KYNU: variants seen among roughly 807,000 people sequenced by gnomAD.
The protein encoded by KYNU is L-kynurenine hydrolase.
A neutral mutation model predicts 59.2 loss-of-function variants in KYNU; 54 were observed. That is an observed-to-expected ratio of 0.91 (90% CI 0.73 to 1.14). The LOEUF (loss-of-function observed/expected upper bound fraction) is 1.14. Among genes scored for constraint, KYNU ranks in the 50% most tolerant of loss-of-function variants. The pLI is 0.00. For missense variants in KYNU, 567 were observed against 554.4 expected, an observed-to-expected ratio of 1.02 and a Z score of -0.23; for synonymous variants, 177 against 192.0, an observed-to-expected ratio of 0.92 and a Z score of 0.65.
intron 10 of KYNU, among the ~76,000 whole-genome samples, chr2:143,010,655 C>A (rs1686063562): frequency 6.8e-6 from 1 of 147,638 alleles, no homozygotes; most frequent in Non-Finnish European, 1.5e-5. Context: ...TACCTGACTT[C>A]AAACTATACT....
intron 2 of KYNU, among the ~76,000 whole-genome samples, chr2:142,905,435 A>G (rs891142338): frequency 6.6e-6 from 1 of 152,306 alleles, no homozygotes; most frequent in South Asian, 2.1e-4. Context: ...CCCGAGAGGA[A>G]GCATCTATCC....
At chr2:142,924,239 C>T (rs568561002) in intron 3 of KYNU, among the ~76,000 whole-genome samples, 3 of 152,036 alleles carry the variant, frequency 2.0e-5, no homozygotes, top group South Asian at 4.2e-4. Flanking sequence ...TGAGTAGCTA[C>T]GACTATAGGT....
intron 10 of KYNU, among the ~76,000 whole-genome samples, chr2:143,025,581 G>T (rs1372601098): frequency 6.6e-6 from 1 of 151,970 alleles, no homozygotes; most frequent in Non-Finnish European, 1.5e-5. Flanking sequence ...TGTATCAAGG[G>T]TGTAGCTTTT....
rs375973950 is a variant in KYNU, at chr2:142,927,702, G to A, written c.334G>A (p.Gly112Arg). ...HEVGKRPWIT[G>R]DESIVGLMKD... Reference sequence around the variant, plus strand: ...AGTGGGGAAGCGTCCTTGGATTACAGGAGATGAGAGTATTGTAGGCCTTAT... The same window carrying A: ...AGTGGGGAAGCGTCCTTGGATTACAAGAGATGAGAGTATTGTAGGCCTTAT... Residue 112 changes from glycine to arginine, a missense_variant, in exon 4 of 14, where the codon GGA becomes AGA. Coordinates refer to ENST00000264170, the MANE Select transcript of KYNU (RefSeq NM_003937.3). 13 of 1,613,200 alleles carry A rather than the reference G, an allele frequency of 8.1e-6. No homozygotes were observed. The African/African-American group carries it at 1.6e-4, about 20-fold the overall frequency.
intron 10 of KYNU, among the ~76,000 whole-genome samples, chr2:142,990,966 A>G (rs1195201601): frequency 1.3e-5 from 2 of 152,026 alleles, no homozygotes; most frequent in Non-Finnish European, 2.9e-5. Context: ...TTAAGAAATA[A>G]GAGTTGTTAC....
In KYNU at chr2:143,044,555, G is replaced by A. The variant is rs1687134105; in HGVS notation, c.*2383G>A. 1 of 152,062 alleles carries A rather than the reference G, an allele frequency of 6.6e-6. No individual in the cohort carries two copies. The highest frequency in any genetic ancestry group is 2.4e-5 in the African/African-American group (1 of 41,386). The allele number at this position is 152,062 out of a possible 1,614,324, so 9.4% of individuals were successfully genotyped here. ...TGGCGTGAGATGGTATTTCATTGTG[G>A]TTTTGATTTGCATTTCTCTAATGAC... On this transcript the variant is annotated 3_prime_UTR_variant, in exon 14 of 14. Transcript: ENST00000264170.
In KYNU at chr2:143,055,654, GGA is replaced by G. The variant is rs2104938288; in HGVS notation, c.*13483_*13484del. 6.6e-6 allele frequency: 1 copy of G among 151,638 alleles called. No individual in the cohort carries two copies. The highest frequency in any genetic ancestry group is 1.9e-4 in the East Asian group (1 of 5,152). 9.4% of individuals were successfully genotyped at this position (151,638 alleles called of 1,614,324 possible). A position where few individuals can be genotyped will look rare whatever the true frequency, so the allele number is the denominator to read the frequency against. ...CCACAGGAAGGAAGGAAGGAAGGAAGGAAGGAAGGAAGGAAGGAAGGAAGGAA... is the reference window on the plus strand; with the variant it reads ...CCACAGGAAGGAAGGAAGGAAGGAAGAGGAAGGAAGGAAGGAAGGAAGGAA... On this transcript the variant is annotated 3_prime_UTR_variant, in exon 14 of 14. Transcript: ENST00000264170.
chr2:142,881,856 G>A (rs567436884), intron 1 of KYNU, among the ~76,000 whole-genome samples: 5 of 151,648 alleles, frequency 3.3e-5, no homozygotes, highest in East Asian at 1.9e-4. Flanking sequence ...CATCCTCCTC[G>A]GTAGCTAGGA....
intron 2 of KYNU, among the ~76,000 whole-genome samples, chr2:142,887,252 T>C (rs1311387474): frequency 6.6e-6 from 1 of 152,152 alleles, no homozygotes; most frequent in Non-Finnish European, 1.5e-5. Flanking sequence ...CACAGTGAGA[T>C]ATCACCTCAC....
chr2:142,970,803 A>G (rs979255607), intron 8 of KYNU, among the ~76,000 whole-genome samples: 14 of 152,136 alleles, frequency 9.2e-5, no homozygotes, highest in Non-Finnish European at 4.4e-5. Context: ...TCAGTATCAT[A>G]TTTTCCACTG....
chr2:142,947,422 C>A, intron 4 of KYNU: 1 of 553,994 alleles, frequency 1.8e-6, no homozygotes. Flanking sequence ...ATGTCCCAAA[C>A]AGCGCTTCCC....
chr2:142,905,341 C>T (rs1189370734), intron 2 of KYNU, among the ~76,000 whole-genome samples: 5 of 152,172 alleles, frequency 3.3e-5, no homozygotes, highest in East Asian at 1.9e-4. Context: ...GACAGACCAA[C>T]GATTAGGGAA....
chr2:142,987,235 C>A (rs1573873590), intron 10 of KYNU, among the ~76,000 whole-genome samples: 1 of 151,756 alleles, frequency 6.6e-6, no homozygotes, highest in African/African-American at 2.4e-5. Context: ...ATTTCTCAGT[C>A]TCCATTTATT....
Position 143,032,711 on chromosome 2 carries a change from T to TTGTATGTGTGTGTG in KYNU, c.956-522_956-521insATGTGTGTGTGTGT, listed in dbSNP as rs145787098. ...GATCTTTTTTTTAAAGCTCCCTCTA[T>TTGTATGTGTGTGTG]TGTGTGTGTGTGTGTGTGTGTGTGT... On this transcript the variant is annotated intron_variant, in intron 11 of 13. Transcript: ENST00000264170. Among the ~76,000 whole-genome samples the TTGTATGTGTGTGTG allele has an allele frequency of 1.7e-4, 22 of 129,454 alleles. No individual in the cohort carries two copies. In the South Asian group the frequency reaches 2.1e-3, roughly 13 times the overall value. The allele number at this position is 129,454 out of a possible 152,430, so 84.9% of individuals were successfully genotyped here.
intron 12 of KYNU, among the ~76,000 whole-genome samples, chr2:143,039,204 T>C (rs1686968516): frequency 6.6e-6 from 1 of 152,150 alleles, no homozygotes; most frequent in Non-Finnish European, 1.5e-5. Context: ...CATTATCTAA[T>C]ATTATTTGCT....
chr2:142,898,470 GA>G (rs5834924), intron 2 of KYNU, among the ~76,000 whole-genome samples: 84,097 of 149,190 alleles, frequency 0.56, 24,455 homozygotes, highest in African/African-American at 0.71. Context: ...TAGTTCAAGG[GA>G]AAAAAAAAAT....
At chr2:143,020,023 T>C (rs746004718) in intron 10 of KYNU, among the ~76,000 whole-genome samples, 7 of 152,066 alleles carry the variant, frequency 4.6e-5, no homozygotes, top group Non-Finnish European at 1.0e-4. Flanking sequence ...TCTTTTTTCT[T>C]AGTCTGGCTA....
intron 4 of KYNU, among the ~76,000 whole-genome samples, chr2:142,929,522 AAT>A (rs1462797961): frequency 1.3e-5 from 2 of 152,196 alleles, no homozygotes; most frequent in African/African-American, 4.8e-5. Context: ...TTCTGAGCCA[AAT>A]ATGAGTGGTC....
At chr2:142,930,489 C>T (rs1461379606) in intron 4 of KYNU, among the ~76,000 whole-genome samples, 2 of 152,048 alleles carry the variant, frequency 1.3e-5, no homozygotes, top group African/African-American at 4.8e-5. Context: ...TTTATTTTTT[C>T]GCAGTACTGG....
Sources: gnomAD v4.1 joint callset for allele counts (sites outside exome capture counted in the v4.1 genomes callset) on GRCh38, gnomAD v4.1.1 for gene constraint, MANE v1.5 for transcripts, NCBI Gene and HGNC (gene_info 2026-07-23, HGNC 2026-07-21) for gene names.